The following RHBDF1 variants were observed in gnomAD, a reference collection of about 807,000 sequenced individuals.
RHBDF1 encodes rhomboid 5 homolog 1, also known as inactive rhomboid protein 1.
RHBDF1 carries 80 observed loss-of-function variants against 98.6 expected under a neutral mutation model. The observed-to-expected ratio is 0.81, with a 90% confidence interval of 0.68 to 0.98. RHBDF1 has a LOEUF of 0.98. Ranked by LOEUF, RHBDF1 falls within the 50% of genes least tolerant of loss-of-function variation. RHBDF1 has a pLI of 0.00. For missense variants in RHBDF1, 1,116 were observed against 1,198.3 expected (o/e 0.93, Z 1.01); for synonymous variants, 512 against 486.8 (o/e 1.05, Z -0.68).
chr16:72,614 C>G lies in RHBDF1; in HGVS notation c.-126G>C. ...CCGAGTCCCCGCCCGCCCGCCGGTC[C>G]GGCCCGCCCGGGAATGCCCTGGAGC... On this transcript the variant is annotated 5_prime_UTR_variant, in exon 1 of 18. Transcript: ENST00000262316. 1 of 975,536 alleles carries G rather than the reference C, an allele frequency of 1.0e-6. No individual in the cohort carries two copies. The highest frequency in any genetic ancestry group is 1.8e-5 in the African/African-American group (1 of 56,236). The allele number at this position is 975,536 out of a possible 1,614,324, so 60.4% of individuals were successfully genotyped here.
Position 60,640 on chromosome 16 carries a change from C to T in RHBDF1, c.1558-101G>A, listed in dbSNP as rs185643123. ...GGCAAAACCACTGAGCTCTTCCCTCCGCTTCTACAAGTCACCCCCACTCTT... is the reference window on the plus strand; with the variant it reads ...GGCAAAACCACTGAGCTCTTCCCTCTGCTTCTACAAGTCACCCCCACTCTT... On this transcript the variant is annotated intron_variant, in intron 11 of 17. Transcript: ENST00000262316. 2.9e-4 allele frequency: 224 copies of T among 774,424 alleles called. 1 individual carries two copies. In the African/African-American group the frequency reaches 3.2e-3, roughly 11 times the overall value. 48.0% of individuals were successfully genotyped at this position (774,424 alleles called of 1,614,324 possible). A position where few individuals can be genotyped will look rare whatever the true frequency, so the allele number is the denominator to read the frequency against.
chr16:65,121 A>G (rs1596473009), intron 1 of RHBDF1, 82 bp from the exon 2 acceptor site: 1 of 1,403,202 alleles, frequency 7.1e-7, no homozygotes, highest in Non-Finnish European at 9.4e-7. Context: ...AGGAGGGAGA[A>G]GCAGTGATGA....
In RHBDF1 at chr16:61,916, A is replaced by G. The variant is rs764880997; in HGVS notation, c.1090T>C (p.Phe364Leu). Residue 364 changes from phenylalanine (F) to leucine (L), a missense_variant, in exon 8 of 18, where the codon TTC (phenylalanine) becomes CTC (leucine). Transcript: ENST00000262316. ...QRIAVPVRKL[F>L]AREKRPYGLG... The stretch of plus-strand genomic sequence containing the variant: ...CCATACGGCCGCTTCTCCCGGGCGA[A>G]GAGCTTGCGCACCGGCACCGCGATA... The G allele has an allele frequency of 1.1e-5, 17 of 1,603,006 alleles. No homozygotes were observed. Among genetic ancestry groups the G allele is most frequent in the Non-Finnish European group, 1.3e-5 (15 of 1,179,624 alleles).
At chr16:68,857 G>T (rs913184501) in intron 1 of RHBDF1, among the ~76,000 whole-genome samples, 1 of 152,198 alleles carries the variant, frequency 6.6e-6, no homozygotes, top group Non-Finnish European at 1.5e-5. Flanking sequence ...AGCTGGCCGC[G>T]TGCACAGGTG....
At chr16:72,751 G>A, upstream of RHBDF1, 2 of 930,796 alleles carry the variant, frequency 2.1e-6, no homozygotes, top group Non-Finnish European at 2.6e-6. Flanking sequence ...CCTCCCGGAA[G>A]GCCGCCGGGC....
rs1897552117 is a variant in RHBDF1, at chr16:60,123, A to T, written c.1722+93T>A. 3.1e-6 allele frequency: 5 copies of T among 1,597,102 alleles called. No homozygotes were observed. The South Asian group carries it at 5.6e-5, about 18-fold the overall frequency. ...TCTGAAAACGTGAGGTGGTCCCATG[A>T]TGGGAATCTCTGGTATCACCAGTGG... is the stretch of plus-strand genomic sequence containing the variant. On this transcript the variant is annotated intron_variant, in intron 13 of 17. Coordinates refer to ENST00000262316, the MANE Select transcript of RHBDF1 (RefSeq NM_022450.5).
upstream of RHBDF1, among the ~76,000 whole-genome samples, chr16:76,046 C>T (rs1387342902): frequency 9.9e-5 from 15 of 152,218 alleles, no homozygotes; most frequent in South Asian, 2.7e-3. Context: ...GCAGCTCCAG[C>T]CCCTCCACAG....
intron 4 of RHBDF1, 21 bp downstream of exon 4, chr16:63,566 G>A (rs943714108): frequency 1.3e-6 from 2 of 1,521,418 alleles, no homozygotes; most frequent in Non-Finnish European, 1.8e-6. Context: ...GCCTGCAGGA[G>A]GCAGCAACAG....
At chr16:62,141 C>A in intron 7 of RHBDF1, 89 bp from the exon 8 acceptor site, 1 of 1,421,754 alleles carries the variant, frequency 7.0e-7, no homozygotes, top group African/African-American at 1.4e-5. Flanking sequence ...CTGTCTCTAT[C>A]CTGGCGAATA....
At chr16:60,745 CCT>C (rs1897579804) in intron 11 of RHBDF1, 3 of 584,550 alleles carry the variant, frequency 5.1e-6, no homozygotes, top group African/African-American at 1.9e-5. Flanking sequence ...TCAGAAACAA[CCT>C]CTGTGTCCTA....
At chr16:60,720 C>A in intron 11 of RHBDF1, 181 bp from the exon 12 acceptor site, 1 of 587,886 alleles carries the variant, frequency 1.7e-6, no homozygotes, top group Non-Finnish European at 3.0e-6. Flanking sequence ...CGGCATAATT[C>A]CTGTTAGCTG....
chr16:76,005 C>T (rs929679192), upstream of RHBDF1, among the ~76,000 whole-genome samples: 8 of 152,178 alleles, frequency 5.3e-5, no homozygotes, highest in African/African-American at 1.7e-4. Context: ...AAGGCTCCAG[C>T]GACTGATGGC....
In RHBDF1 at chr16:62,081, C is replaced by T. The variant is rs73493080; in HGVS notation, c.954-29G>A. 56 of 1,439,804 alleles carry T rather than the reference C, an allele frequency of 3.9e-5. No individual in the cohort carries two copies. The Admixed American group carries it at 6.9e-4, about 18-fold the overall frequency. 89.2% of individuals were successfully genotyped at this position (1,439,804 alleles called of 1,614,324 possible). On this transcript the variant is annotated intron_variant, in intron 7 of 17. Coordinates refer to ENST00000262316, the MANE Select transcript of RHBDF1 (RefSeq NM_022450.5). ...GAGGGAGCCGGCATTCACCTCCCGC[C>T]CCAGCCCCGCAAACTGCTGCAGTCC...
rs1897539871 is a variant in RHBDF1 at position 59,820 on chromosome 16, T to C, written c.1729A>G (p.Thr577Ala). 1 of 1,614,104 alleles carries C rather than the reference T, an allele frequency of 6.2e-7. No homozygotes were observed. The highest frequency in any genetic ancestry group is 1.3e-5 in the African/African-American group (1 of 75,034). The part of the protein sequence containing the change: ...PEDITKWPIC[T>A]KNSAGNHTNH... The stretch of plus-strand genomic sequence containing the variant: ...GTGTGGTTCCCAGCGCTGTTTTTGG[T>C]GCAGATCTGGGTCACAAATGAGGAC... Residue 577 changes from threonine (T) to alanine (A), a missense_variant, in exon 14 of 18, where the codon ACC becomes GCC. Physicochemically the swap from Thr to Ala is moderately conservative, Grantham distance 58 (BLOSUM62 0). Transcript: ENST00000262316.
upstream of RHBDF1, among the ~76,000 whole-genome samples, chr16:75,734 C>T (rs977185268): frequency 2.0e-5 from 3 of 152,158 alleles, no homozygotes; most frequent in Admixed American, 6.5e-5. Flanking sequence ...AAGCTTTGGC[C>T]CTCCAGGGCT....
intron 14 of RHBDF1, 109 bp downstream of exon 14, chr16:59,621 CCA>C (rs1897530784): frequency 6.7e-7 from 1 of 1,491,012 alleles, no homozygotes; most frequent in Non-Finnish European, 9.1e-7. Context: ...CCCTCTAACC[CCA>C]CATCCTTGGT....
In RHBDF1 at chr16:59,408, T is replaced by C. The variant is rs1170694301; in HGVS notation, c.1893+11A>G. 6.2e-7 allele frequency: 1 copy of C among 1,613,668 alleles called. No individual in the cohort carries two copies. Among genetic ancestry groups the C allele is most frequent in the East Asian group, 2.2e-5 (1 of 44,888 alleles). Reference sequence around the variant, plus strand: ...TGGGGGAGGGGAACGACGGACACTCTGCAGACCTACCTGAGAGCAGAGCGT... The same window carrying C: ...TGGGGGAGGGGAACGACGGACACTCCGCAGACCTACCTGAGAGCAGAGCGT... On this transcript the variant is annotated intron_variant, in intron 15 of 17. Transcript: ENST00000262316.
chr16:62,869 C>T lies in RHBDF1; in HGVS notation c.701G>A (p.Arg234His), dbSNP rs184104773. The T allele has an allele frequency of 2.8e-4, 448 of 1,613,932 alleles. 2 individuals are homozygous for T. In the Admixed American group the frequency reaches 7.0e-3, roughly 25 times the overall value. Reference protein sequence around the residue: ...KGRSVRDGTFRRAQRRSFTPA... With the variant: ...KGRSVRDGTFHRAQRRSFTPA... Reference sequence around the variant, plus strand: ...AGTGAAGCTTCGACGCTGTGCCCGGCGAAAGGTGCCATCCCTAACGGAGCG... The same window carrying T: ...AGTGAAGCTTCGACGCTGTGCCCGGTGAAAGGTGCCATCCCTAACGGAGCG... The change falls in exon 6 of 18, where the codon CGC (arginine) becomes CAC (histidine). Residue 234 changes from arginine (R) to histidine (H), a missense_variant. Arg to His is a conservative substitution (Grantham distance 29). Transcript: ENST00000262316.
At chr16:72,662 G>A, upstream of RHBDF1, 1 of 980,728 alleles carries the variant, frequency 1.0e-6, no homozygotes, top group Non-Finnish European at 1.2e-6. Flanking sequence ...CCCGGGGGCG[G>A]GCCCGGCCGG....
Sources: gnomAD v4.1 joint callset for allele counts (sites outside exome capture counted in the v4.1 genomes callset) on GRCh38, gnomAD v4.1.1 for gene constraint, MANE v1.5 for transcripts, NCBI Gene and HGNC (gene_info 2026-07-23, HGNC 2026-07-21) for gene names.